DNAH7: variants seen among roughly 807,000 people sequenced by gnomAD.
DNAH7 encodes the protein dynein axonemal heavy chain 7.
DNAH7 carries 397 observed loss-of-function variants against 444.6 expected under a neutral mutation model. The ratio of observed to expected loss-of-function variants is 0.89; its 90% CI spans 0.82 to 0.97. DNAH7 has a LOEUF of 0.97. Ranked by LOEUF, DNAH7 falls within the 50% of genes least tolerant of loss-of-function variation. The pLI is 0.00. For synonymous variants in DNAH7, 1,636 were observed against 1,624.4 expected, an observed-to-expected ratio of 1.01 and a Z score of -0.17; for missense variants, 4,902 against 4,800.8, an observed-to-expected ratio of 1.02 and a Z score of -0.62.
intron 47 of DNAH7, among the ~76,000 whole-genome samples, chr2:195,843,731 CAT>C (rs768181712): frequency 3.7e-4 from 57 of 152,054 alleles, no homozygotes; most frequent in Non-Finnish European, 6.5e-4. Flanking sequence ...TAAAGAAATC[CAT>C]ATGTCAGGAT....
At chr2:195,849,961 G>A (rs556327100) in intron 46 of DNAH7, among the ~76,000 whole-genome samples, 1 of 152,286 alleles carries the variant, frequency 6.6e-6, no homozygotes, top group South Asian at 2.1e-4. Flanking sequence ...CAGACATTTT[G>A]GAGAGGTCTG....
At chr2:195,814,542 A>G (rs1697132698) in intron 51 of DNAH7, among the ~76,000 whole-genome samples, 1 of 152,192 alleles carries the variant, frequency 6.6e-6, no homozygotes, top group Non-Finnish European at 1.5e-5. Context: ...TTATATGAAA[A>G]ATGTCTTTAA....
chr2:195,783,511 G>A (rs1015558901), intron 58 of DNAH7, among the ~76,000 whole-genome samples: 1 of 152,200 alleles, frequency 6.6e-6, no homozygotes, highest in East Asian at 1.9e-4. Context: ...TCACATGGCT[G>A]TCTTCCTTCT....
At position 195,787,097 on chromosome 2, in the gene DNAH7, G is replaced by A; in HGVS notation, c.10791C>T (p.Pro3597=). The A allele has an allele frequency of 6.2e-7, 1 of 1,612,220 alleles. No individual in the cohort carries two copies. ...ACTCATAAGGAATATTCCACCCTAG[G>A]GGTCCAAATTTCCGTCTTTCTTGTA... ...ALVQERRKFG[P]LGWNIPYEFN... The change falls in exon 58 of 65, where the codon CCC becomes CCT. Residue 3597 remains proline, a synonymous_variant. Transcript: ENST00000312428.
chr2:195,815,779 G>A (rs1033114378), intron 51 of DNAH7, among the ~76,000 whole-genome samples: 1 of 152,046 alleles, frequency 6.6e-6, no homozygotes, highest in Non-Finnish European at 1.5e-5. Flanking sequence ...GAGGCAGGTG[G>A]ATCATGAGGT....
chr2:195,857,699 T>C lies in DNAH7; in HGVS notation c.8092A>G (p.Lys2698Glu), dbSNP rs758181767. 2 of 1,608,638 alleles carry C rather than the reference T, an allele frequency of 1.2e-6. No homozygotes were observed. Among genetic ancestry groups the C allele is most frequent in the South Asian group, 2.2e-5 (2 of 89,710 alleles). Reference sequence around the variant, plus strand: ...AGCTTGACACCAGCAGGAGGACTCTTCATGGATTTTACCACTGTAATATCC... The same window carrying C: ...AGCTTGACACCAGCAGGAGGACTCTCCATGGATTTTACCACTGTAATATCC... The part of the protein sequence containing the change: ...AQDITVVKSM[K>E]SPPAGVKLVM... The change falls in exon 44 of 65, where the codon AAG becomes GAG. Residue 2698 changes from lysine to glutamate, a missense_variant. Lys to Glu is a moderately conservative substitution (Grantham distance 56, BLOSUM62 1). Coordinates refer to ENST00000312428, the MANE Select transcript of DNAH7 (RefSeq NM_018897.3).
intron 12 of DNAH7, chr2:195,994,883 G>T (rs186364642): frequency 2.6e-4 from 106 of 400,194 alleles, no homozygotes; most frequent in African/African-American, 2.2e-3. Flanking sequence ...CCTTGACATT[G>T]GGCCAGCATG....
At chr2:196,000,667 T>C (rs767979419) in intron 12 of DNAH7, 37 bp downstream of exon 12, 4 of 1,426,300 alleles carry the variant, frequency 2.8e-6, no homozygotes, top group South Asian at 1.7e-5. Context: ...AATGTCATTA[T>C]GCAAATTCAA....
At chr2:195,812,156 T>C (rs1697001314) in intron 51 of DNAH7, among the ~76,000 whole-genome samples, 1 of 152,100 alleles carries the variant, frequency 6.6e-6, no homozygotes, top group Non-Finnish European at 1.5e-5. Context: ...TGAGTTCCTA[T>C]GATTGTGTTT....
chr2:196,003,004 G>A (rs1286086716), intron 10 of DNAH7, among the ~76,000 whole-genome samples: 8 of 147,888 alleles, frequency 5.4e-5, no homozygotes, highest in African/African-American at 1.0e-4. Context: ...GTGAAACTCC[G>A]TCTCAAAAAG....
chr2:195,738,150 T>C, intron 64 of DNAH7, 23 bp from the exon 65 acceptor site: 1 of 1,598,674 alleles, frequency 6.3e-7, no homozygotes, highest in Non-Finnish European at 8.6e-7. Flanking sequence ...ACATAACACC[T>C]CTTTAAGTCA....
intron 63 of DNAH7, among the ~76,000 whole-genome samples, chr2:195,741,587 G>C (rs1259063895): frequency 6.6e-6 from 1 of 152,168 alleles, no homozygotes; most frequent in Non-Finnish European, 1.5e-5. Flanking sequence ...CAAAGTTTTA[G>C]TTCCTAATTT....
At chr2:195,749,988 T>C (rs1693697079) in intron 63 of DNAH7, among the ~76,000 whole-genome samples, 1 of 151,198 alleles carries the variant, frequency 6.6e-6, no homozygotes, top group South Asian at 2.1e-4. Context: ...ATAATAATAA[T>C]AAAATAAAAT....
chr2:195,890,785 T>G (rs1392285199), intron 31 of DNAH7, among the ~76,000 whole-genome samples: 1 of 152,204 alleles, frequency 6.6e-6, no homozygotes, highest in Non-Finnish European at 1.5e-5. Context: ...GAGCTGAGAT[T>G]TCACGTTTTA....
chr2:195,966,842 G>A (rs1691510857), intron 17 of DNAH7, among the ~76,000 whole-genome samples: 1 of 151,986 alleles, frequency 6.6e-6, no homozygotes, highest in Non-Finnish European at 1.5e-5. Context: ...GACTTTATAG[G>A]TAAAGTGTGT....
chr2:195,842,346 C>T (rs1290178356), intron 47 of DNAH7, among the ~76,000 whole-genome samples: 1 of 151,984 alleles, frequency 6.6e-6, no homozygotes, highest in Non-Finnish European at 1.5e-5. Context: ...CCTAAATAAT[C>T]GTCTCCTCAC....
chr2:195,897,137 A>G (rs1702367058), intron 29 of DNAH7, among the ~76,000 whole-genome samples: 1 of 152,202 alleles, frequency 6.6e-6, no homozygotes, highest in Non-Finnish European at 1.5e-5. Flanking sequence ...ACCAAAGGAT[A>G]TTATGAAAAC....
chr2:195,858,360 T>C (rs1182445134), intron 43 of DNAH7, 114 bp downstream of exon 43: 1 of 878,584 alleles, frequency 1.1e-6, no homozygotes, highest in East Asian at 2.9e-5. Context: ...TGATTTCAGC[T>C]TCATTAAAAT....
intron 59 of DNAH7, 91 bp from the exon 60 acceptor site, chr2:195,776,074 GTTA>G: frequency 6.8e-7 from 1 of 1,467,678 alleles, no homozygotes; most frequent in Non-Finnish European, 9.3e-7. Flanking sequence ...CAATACTCAA[GTTA>G]TTGACTGGAT....
Sources: gnomAD v4.1 joint callset for allele counts (sites outside exome capture counted in the v4.1 genomes callset) on GRCh38, gnomAD v4.1.1 for gene constraint, MANE v1.5 for transcripts, NCBI Gene and HGNC (gene_info 2026-07-23, HGNC 2026-07-21) for gene names.